NTRK2: variants seen among roughly 807,000 people sequenced by gnomAD.
NTRK2 encodes the protein neurotrophic receptor tyrosine kinase 2, also known as BDNF/NT-3 growth factors receptor.
In NTRK2, 13 loss-of-function variants were observed where a neutral mutation model predicts 94.5. The observed-to-expected ratio is 0.14, with a 90% CI of 0.09 to 0.22. The LOEUF (loss-of-function observed/expected upper bound fraction) is 0.22. Ranked by LOEUF, NTRK2 falls within the 10% of genes least tolerant of loss-of-function variation. The probability of loss-of-function intolerance (pLI) is 1.00; values close to 1 mark genes in which losing one functional copy is unlikely to be tolerated. For synonymous variants in NTRK2, 372 were observed against 407.4 expected, an observed-to-expected ratio of 0.91 and a Z score of 1.05; for missense variants, 639 against 1,071.2, an observed-to-expected ratio of 0.60 and a Z score of 5.63.
At chr9:84,765,430 G>A (rs972860141) in intron 12 of NTRK2, among the ~76,000 whole-genome samples, 5 of 152,128 alleles carry the variant, frequency 3.3e-5, no homozygotes, top group African/African-American at 9.6e-5. Context: ...GCTGGTGGTA[G>A]CATCAAAGAC....
chr9:84,990,867 T>C lies in NTRK2; in HGVS notation c.2173-29339T>C, dbSNP rs1828972214. On this transcript the variant is annotated intron_variant, in intron 17 of 18. Coordinates refer to ENST00000277120, the MANE Select transcript of NTRK2 (RefSeq NM_006180.6). ...GGAAGTGTTTCAGAGAGGACAATGC[T>C]GAGGGGCACCCCACAATTAGAGAGG... Among the ~76,000 whole-genome samples the C allele has an allele frequency of 1.3e-5, 2 of 152,302 alleles. 1 individual carries two copies. Among genetic ancestry groups the C allele is most frequent in the South Asian group, 4.1e-4 (2 of 4,822 alleles).
chr9:85,010,228 T>C (rs1332288885), intron 17 of NTRK2, among the ~76,000 whole-genome samples: 1 of 152,208 alleles, frequency 6.6e-6, no homozygotes, highest in Non-Finnish European at 1.5e-5. Context: ...GTAACTTACA[T>C]AGGAAGAGTC....
At chr9:84,691,759 CA>C (rs1006364905) in intron 2 of NTRK2, among the ~76,000 whole-genome samples, 5 of 152,138 alleles carry the variant, frequency 3.3e-5, no homozygotes, top group African/African-American at 1.2e-4. Context: ...TTCCACCCCA[CA>C]GAGCAGCAGA....
intron 9 of NTRK2, among the ~76,000 whole-genome samples, chr9:84,729,382 C>T (rs1048847660): frequency 6.6e-6 from 1 of 152,202 alleles, no homozygotes; most frequent in Non-Finnish European, 1.5e-5. Context: ...AAATCTTCCT[C>T]TTAATTGAGA....
chr9:84,724,827 G>C (rs535917518), intron 8 of NTRK2, among the ~76,000 whole-genome samples: 1 of 152,182 alleles, frequency 6.6e-6, no homozygotes, highest in South Asian at 2.1e-4. Flanking sequence ...GTTTCTGTGA[G>C]AAGGTAGGAT....
chr9:84,992,361 A>G (rs1829191772), intron 17 of NTRK2, among the ~76,000 whole-genome samples: 1 of 151,464 alleles, frequency 6.6e-6, no homozygotes, highest in African/African-American at 2.4e-5. Flanking sequence ...CTATCTGAGC[A>G]TATTTTCTCC....
intron 2 of NTRK2, among the ~76,000 whole-genome samples, chr9:84,689,156 G>A (rs2059894450): frequency 6.6e-6 from 1 of 152,232 alleles, no homozygotes; most frequent in South Asian, 2.1e-4. Flanking sequence ...TGATTCAGAG[G>A]AAACTACTCT....
chr9:84,938,956 G>A (rs2078302980), intron 15 of NTRK2, among the ~76,000 whole-genome samples: 1 of 149,490 alleles, frequency 6.7e-6, no homozygotes, highest in South Asian at 2.1e-4. Context: ...GTAGGCTGAA[G>A]TGGAAGGATT....
intron 14 of NTRK2, among the ~76,000 whole-genome samples, chr9:84,896,312 G>A (rs2076756369): frequency 6.6e-6 from 1 of 152,200 alleles, no homozygotes; most frequent in South Asian, 2.1e-4. Flanking sequence ...AGAGATATTG[G>A]TCTTCTTTGC....
At chr9:84,969,536 A>G (rs1825946688) in intron 17 of NTRK2, among the ~76,000 whole-genome samples, 1 of 152,262 alleles carries the variant, frequency 6.6e-6, no homozygotes, top group Admixed American at 6.5e-5. Flanking sequence ...GCATAGTTAT[A>G]AAATGTTAAA....
At chr9:84,948,738 A>T (rs544049173) in intron 16 of NTRK2, 104 bp downstream of exon 16, 1 of 973,532 alleles carries the variant, frequency 1.0e-6, no homozygotes, top group East Asian at 2.5e-5. Context: ...CCTTTCTCGA[A>T]GCATCTTATT....
chr9:84,975,704 G>C (rs939620033), intron 17 of NTRK2, among the ~76,000 whole-genome samples: 8 of 151,978 alleles, frequency 5.3e-5, no homozygotes, highest in African/African-American at 1.9e-4. Flanking sequence ...AATCTTTTTA[G>C]CAATTCCCAC....
At chr9:84,814,538 C>T (rs763311892) in intron 12 of NTRK2, 6 of 1,065,840 alleles carry the variant, frequency 5.6e-6, no homozygotes, top group South Asian at 4.5e-5. Context: ...AGAACACACA[C>T]GACTTTTTAT....
Position 84,685,551 on chromosome 9 carries a change from T to A in NTRK2, c.212+14591T>A, listed in dbSNP as rs150383304. Among the ~76,000 whole-genome samples, 75 of 152,268 alleles carry A rather than the reference T, an allele frequency of 4.9e-4. No homozygotes were observed. In the East Asian group the frequency reaches 0.014, roughly 28 times the overall value. On this transcript the variant is annotated intron_variant, in intron 2 of 18. Coordinates refer to ENST00000277120, the MANE Select transcript of NTRK2 (RefSeq NM_006180.6). The stretch of plus-strand genomic sequence containing the variant: ...CACTTATATAGCAAAGGCTGACAAC[T>A]TCTTATCAAGTCTTGAAAGCCCCGT...
chr9:84,830,392 A>G (rs577705528), intron 12 of NTRK2, among the ~76,000 whole-genome samples: 63 of 152,324 alleles, frequency 4.1e-4, no homozygotes, highest in Admixed American at 7.2e-4. Context: ...TAGAAGTGTG[A>G]TAGAAACAGT....
rs76830483 is a variant in NTRK2 at position 84,889,907 on chromosome 9, T to G, written c.1633+22476T>G. 7.1e-3 allele frequency among the ~76,000 whole-genome samples: 1,081 copies of G among 152,306 alleles called. 13 individuals are homozygous for G. Among genetic ancestry groups the G allele is most frequent in the Admixed American group, 0.038 (583 of 15,304 alleles). On this transcript the variant is annotated intron_variant, in intron 14 of 18. Coordinates refer to ENST00000277120, the MANE Select transcript of NTRK2 (RefSeq NM_006180.6). ...GCCTCACAGCTTGTACTCTTATGTG[T>G]CCCTGGGCAAGTCACATAACCTCAA...
Position 84,948,617 on chromosome 9 carries a change from C to T in NTRK2, c.1920C>T (p.Asp640=), listed in dbSNP as rs766205460. 1.2e-5 allele frequency: 19 copies of T among 1,614,092 alleles called. No homozygotes were observed. In the South Asian group the frequency reaches 2.0e-4, roughly 17 times the overall value. The stretch of plus-strand genomic sequence containing the variant: ...TCTTTGAGTACATGAAGCATGGGGA[C>T]CTCAACAAGTTCCTCAGGTACAGTG... ...IMVFEYMKHG[D]LNKFLRAHGP... Residue 640 remains aspartate (D), a synonymous_variant, in exon 16 of 19, where the codon GAC becomes GAT. Transcript: ENST00000277120.
At chr9:84,697,193 C>T (rs1251867779) in intron 2 of NTRK2, among the ~76,000 whole-genome samples, 7 of 152,174 alleles carry the variant, frequency 4.6e-5, no homozygotes, top group African/African-American at 1.2e-4. Flanking sequence ...ATGCAAGCAA[C>T]GTCTGCAGGC....
At chr9:84,818,950 G>T (rs763915682) in intron 12 of NTRK2, among the ~76,000 whole-genome samples, 1 of 152,124 alleles carries the variant, frequency 6.6e-6, no homozygotes, top group African/African-American at 2.4e-5. Flanking sequence ...GCCTGTCCTC[G>T]AATGTCCCGT....
Sources: gnomAD v4.1 joint callset for allele counts (sites outside exome capture counted in the v4.1 genomes callset) on GRCh38, gnomAD v4.1.1 for gene constraint, MANE v1.5 for transcripts, NCBI Gene and HGNC (gene_info 2026-07-23, HGNC 2026-07-21) for gene names.